The following ZNF879 variants were observed in gnomAD, a reference collection of about 807,000 sequenced individuals.
The protein encoded by ZNF879 is zinc finger protein 879.
Under a neutral mutation model 44.3 loss-of-function variants are expected in ZNF879, and 32 were observed. The observed-to-expected ratio is 0.72, with a 90% CI of 0.54 to 0.97. The LOEUF is 0.97. ZNF879 is among the 50% of genes least tolerant of loss of function. The pLI is 0.00. For missense variants in ZNF879, 621 were observed against 669.7 expected (o/e 0.93, Z 0.80); for synonymous variants, 234 against 233.2 (o/e 1.00, Z -0.03).
At chr5:179,025,061 T>C in intron 2 of ZNF879, 24 bp downstream of exon 2, 1 of 1,551,372 alleles carries the variant, frequency 6.4e-7, no homozygotes, top group Non-Finnish European at 8.7e-7. Context: ...TCTTTTTGCT[T>C]GAACTGCCTT....
At chr5:179,031,454 A>G (rs531521752) in intron 4 of ZNF879, among the ~76,000 whole-genome samples, 1 of 152,172 alleles carries the variant, frequency 6.6e-6, no homozygotes, top group South Asian at 2.1e-4. Flanking sequence ...TTATACCCTA[A>G]TTTTTGTCTG....
At position 179,027,520 on chromosome 5, in the gene ZNF879, G is replaced by A. The variant is rs780221819; in HGVS notation, c.81G>A (p.Glu27=). The part of the protein sequence containing the change: ...RDVAVFFSQD[E]WLHLDSAQRA... Reference sequence around the variant, plus strand: ...TGGCCGTGTTCTTCAGCCAGGACGAGTGGTTGCACCTGGACTCTGCCCAGA... The same window carrying A: ...TGGCCGTGTTCTTCAGCCAGGACGAATGGTTGCACCTGGACTCTGCCCAGA... The change falls in exon 3 of 5, where the codon GAG becomes GAA. Residue 27 remains glutamate, a synonymous_variant. Coordinates refer to ENST00000444149, the MANE Select transcript of ZNF879 (RefSeq NM_001136116.3). The A allele has an allele frequency of 2.5e-6, 4 of 1,614,168 alleles. No homozygotes were observed. The highest frequency in any genetic ancestry group is 3.4e-6 in the Non-Finnish European group (4 of 1,180,036).
At chr5:179,024,769 C>T in intron 1 of ZNF879, 1 of 553,168 alleles carries the variant, frequency 1.8e-6, no homozygotes, top group African/African-American at 1.9e-5. Flanking sequence ...AAAGCACTGG[C>T]AGAAAGGTAG....
intron 4 of ZNF879, among the ~76,000 whole-genome samples, chr5:179,031,691 TCA>T (rs1761423143): frequency 6.6e-6 from 1 of 152,250 alleles, no homozygotes; most frequent in African/African-American, 2.4e-5. Flanking sequence ...CCTGTCATTC[TCA>T]GAGTCTTAAC....
At position 179,033,703 on chromosome 5, in the gene ZNF879, C is replaced by A; in HGVS notation, c.*63C>A. On this transcript the variant is annotated 3_prime_UTR_variant, in exon 5 of 5. Transcript: ENST00000444149. ...ATTCCATACTGAGTATCAAAAAATT[C>A]ATTGTGGGGAGAAAGTGATGAAGAG... 8.1e-7 allele frequency: 1 copy of A among 1,239,284 alleles called. No individual in the cohort carries two copies. Among genetic ancestry groups the A allele is most frequent in the Non-Finnish European group, 1.1e-6 (1 of 912,378 alleles). 76.8% of individuals were successfully genotyped at this position (1,239,284 alleles called of 1,614,324 possible).
chr5:179,033,265 G>T lies in ZNF879; in HGVS notation c.1317G>T (p.Trp439Cys). The T allele has an allele frequency of 6.3e-7, 1 of 1,584,192 alleles. No individual in the cohort carries two copies. The highest frequency in any genetic ancestry group is 1.4e-5 in the African/African-American group (1 of 73,814). ...KCNECGKAFS[W>C]ISRLNIHHRI... ...ATGAATGTGGGAAAGCCTTCTCTTG[G>T]ATTTCACGGCTTAATATACATCACA... Residue 439 changes from tryptophan to cysteine, a missense_variant, in exon 5 of 5, where the codon TGG becomes TGT. By Grantham distance (215) the Trp-to-Cys change is radical (BLOSUM62 -2). Transcript: ENST00000444149.
rs1561738660 is a variant in ZNF879, at chr5:179,033,595, TAGTC to T, written c.1650_1653del (p.Ser550ArgfsTer24). 15 of 1,542,010 alleles carry T rather than the reference TAGTC, an allele frequency of 9.7e-6. No individual in the cohort carries two copies. The highest frequency in any genetic ancestry group is 1.7e-4 in the Middle Eastern group (1 of 5,940). On this transcript the variant is annotated frameshift_variant, in exon 5 of 5. Coordinates refer to ENST00000444149, the MANE Select transcript of ZNF879 (RefSeq NM_001136116.3). LOFTEE classifies it high-confidence loss of function. ...AATGTAAAGAATGTGGGAAGGCTTTTAGTCAGAGCTCATCTCTTACTAATCATCA... is the reference window on the plus strand; with the variant it reads ...AATGTAAAGAATGTGGGAAGGCTTTTAGAGCTCATCTCTTACTAATCATCA...
chr5:179,024,650 G>T (rs1393809233), intron 1 of ZNF879: 2 of 249,652 alleles, frequency 8.0e-6, no homozygotes, highest in Admixed American at 4.9e-5. Flanking sequence ...GTGGAATATT[G>T]TGTCATTTCC....
In ZNF879 at chr5:179,025,009, C is replaced by T; in HGVS notation, c.5C>T (p.Ala2Val). 6.4e-7 allele frequency: 1 copy of T among 1,551,586 alleles called. No individual in the cohort carries two copies. Among genetic ancestry groups the T allele is most frequent in the Non-Finnish European group, 8.7e-7 (1 of 1,146,950 alleles). Residue 2 changes from alanine to valine, a missense_variant, in exon 2 of 5, where the codon GCA becomes GTA. Coordinates refer to ENST00000444149, the MANE Select transcript of ZNF879 (RefSeq NM_001136116.3). M[A>V]RRLLPAHVQE... ...AGAGGCAGCAGGGAGGGAGAAATGGCAAGGAGGTTGCTGCCAGCCCATGTA... is the reference window on the plus strand; with the variant it reads ...AGAGGCAGCAGGGAGGGAGAAATGGTAAGGAGGTTGCTGCCAGCCCATGTA...
intron 2 of ZNF879, among the ~76,000 whole-genome samples, chr5:179,026,099 A>AG (rs1381480595): frequency 2.1e-4 from 31 of 148,762 alleles, no homozygotes; most frequent in East Asian, 2.0e-3. Flanking sequence ...AAAAAAAAAA[A>AG]AAACAAAGAA....
chr5:179,033,031 G>C lies in ZNF879; in HGVS notation c.1083G>C (p.Arg361Ser), dbSNP rs1165882238. The C allele has an allele frequency of 1.3e-6, 2 of 1,557,506 alleles. No homozygotes were observed. Among genetic ancestry groups the C allele is most frequent in the Non-Finnish European group, 1.7e-6 (2 of 1,150,740 alleles). Residue 361 changes from arginine (R) to serine (S), a missense_variant, in exon 5 of 5, where the codon AGG becomes AGC. Coordinates refer to ENST00000444149, the MANE Select transcript of ZNF879 (RefSeq NM_001136116.3). ...TCACTTCAATATCGCGGCTAAGTAG[G>C]CACCATCGAATTCATACTGGAGAGA... ...KAFTSISRLS[R>S]HHRIHTGEKP...
chr5:179,027,426 G>T (rs775716699), intron 2 of ZNF879, 47 bp from the exon 3 acceptor site: 1 of 1,607,610 alleles, frequency 6.2e-7, no homozygotes, highest in African/African-American at 1.3e-5. Flanking sequence ...CAGTCTTCTC[G>T]TTGTGGGGAC....
chr5:179,031,980 C>G (rs1480721293), intron 4 of ZNF879, among the ~76,000 whole-genome samples: 1 of 152,166 alleles, frequency 6.6e-6, no homozygotes, highest in African/African-American at 2.4e-5. Flanking sequence ...TAGATCGAGC[C>G]TGGCTCTTCC....
rs550370859 is a variant in ZNF879 at position 179,027,596 on chromosome 5, C to G, written c.157C>G (p.Leu53Val). 2 of 1,613,844 alleles carry G rather than the reference C, an allele frequency of 1.2e-6. No homozygotes were observed. Among genetic ancestry groups the G allele is most frequent in the Non-Finnish European group, 1.7e-6 (2 of 1,179,832 alleles). The stretch of plus-strand genomic sequence containing the variant: ...GGAGAACTACAGCATCCTGGTCTCA[C>G]TGGGTAAGGAACTTTCCTCCTGATG... ...MLENYSILVS[L>V]GILFSKPKVI... is the part of the protein sequence containing the mutation. Residue 53 changes from leucine (L) to valine (V), a missense_variant, in exon 3 of 5, where the codon CTG becomes GTG. Physicochemically the swap from Leu to Val is conservative, Grantham distance 32. Coordinates refer to ENST00000444149, the MANE Select transcript of ZNF879 (RefSeq NM_001136116.3).
chr5:179,033,673 G>C lies in ZNF879; in HGVS notation c.*33G>C, dbSNP rs1761502973. ...TGTATAAATGCATGTAGGAACTGAAGTTATATTCCATACTGAGTATCAAAA... is the reference window on the plus strand; with the variant it reads ...TGTATAAATGCATGTAGGAACTGAACTTATATTCCATACTGAGTATCAAAA... On this transcript the variant is annotated 3_prime_UTR_variant, in exon 5 of 5. Coordinates refer to ENST00000444149, the MANE Select transcript of ZNF879 (RefSeq NM_001136116.3). 7.1e-7 allele frequency: 1 copy of C among 1,406,774 alleles called. No individual in the cohort carries two copies. Among genetic ancestry groups the C allele is most frequent in the Admixed American group, 2.8e-5 (1 of 35,422 alleles). The allele number at this position is 1,406,774 out of a possible 1,614,324, so 87.1% of individuals were successfully genotyped here.
At chr5:179,027,211 C>T (rs748731316) in intron 2 of ZNF879, among the ~76,000 whole-genome samples, 8 of 152,174 alleles carry the variant, frequency 5.3e-5, no homozygotes, top group African/African-American at 1.7e-4. Context: ...TCGGACGTTT[C>T]CAAATCTAAA....
At position 179,033,722 on chromosome 5, in the gene ZNF879, T is replaced by A; in HGVS notation, c.*82T>A. 9.5e-7 allele frequency: 1 copy of A among 1,056,544 alleles called. No homozygotes were observed. Among genetic ancestry groups the A allele is most frequent in the Non-Finnish European group, 1.3e-6 (1 of 748,588 alleles). The allele number at this position is 1,056,544 out of a possible 1,614,324, so 65.4% of individuals were successfully genotyped here. On this transcript the variant is annotated 3_prime_UTR_variant, in exon 5 of 5. Transcript: ENST00000444149. Reference sequence around the variant, plus strand: ...AAAATTCATTGTGGGGAGAAAGTGATGAAGAGTAGTTAATCATAGGTAAAA... The same window carrying A: ...AAAATTCATTGTGGGGAGAAAGTGAAGAAGAGTAGTTAATCATAGGTAAAA...
chr5:179,033,066 A>G lies in ZNF879; in HGVS notation c.1118A>G (p.His373Arg). The part of the protein sequence containing the change: ...HRIHTGEKPF[H>R]CNECGKVFSY... ...ATTCATACTGGAGAGAAACCCTTTC[A>G]TTGTAACGAGTGTGGAAAAGTATTC... is the stretch of plus-strand genomic sequence containing the variant. Residue 373 changes from histidine to arginine, a missense_variant, in exon 5 of 5, where the codon CAT becomes CGT. His to Arg is a conservative substitution (Grantham distance 29). Transcript: ENST00000444149. 6.4e-7 allele frequency: 1 copy of G among 1,562,536 alleles called. No individual in the cohort carries two copies. The highest frequency in any genetic ancestry group is 8.7e-7 in the Non-Finnish European group (1 of 1,153,466).
At chr5:179,025,246 G>A (rs576785004) in intron 2 of ZNF879, among the ~76,000 whole-genome samples, 1 of 151,512 alleles carries the variant, frequency 6.6e-6, no homozygotes, top group African/African-American at 2.4e-5. Flanking sequence ...TTGAGACAGG[G>A]TCTCACTCTG....
Sources: gnomAD v4.1 joint callset for allele counts (sites outside exome capture counted in the v4.1 genomes callset) on GRCh38, gnomAD v4.1.1 for gene constraint, MANE v1.5 for transcripts, NCBI Gene and HGNC (gene_info 2026-07-23, HGNC 2026-07-21) for gene names.